Variants in ASTN2 observed in about 807,000 individuals in gnomAD.
ASTN2 encodes the protein astrotactin-2.
ASTN2 carries 54 observed loss-of-function variants against 139.8 expected under a neutral mutation model. The observed-to-expected ratio is 0.39, with a 90% CI of 0.31 to 0.48. The LOEUF (loss-of-function observed/expected upper bound fraction) is 0.48, where lower values mean the gene tolerates loss of function less well. ASTN2 is among the 20% of genes least tolerant of loss of function. ASTN2 has a pLI of 0.95. For missense variants in ASTN2, 1,565 were observed against 1,725.1 expected (o/e 0.91, Z 1.64); for synonymous variants, 756 against 719.5 (o/e 1.05, Z -0.81).
chr9:117,411,004 T>A (rs1017336893), intron 1 of ASTN2, among the ~76,000 whole-genome samples: 5 of 152,206 alleles, frequency 3.3e-5, no homozygotes, highest in Admixed American at 6.5e-5. Flanking sequence ...ATAACCTGCA[T>A]AAACTTCATA....
intron 1 of ASTN2, among the ~76,000 whole-genome samples, chr9:117,313,401 C>T (rs749782345): frequency 2.0e-5 from 3 of 152,162 alleles, no homozygotes; most frequent in Non-Finnish European, 4.4e-5. Context: ...GTCAGGTGGA[C>T]ATTCAGCTCA....
intron 2 of ASTN2, among the ~76,000 whole-genome samples, chr9:117,259,047 ATAT>A (rs1356284455): frequency 6.6e-6 from 1 of 152,126 alleles, no homozygotes; most frequent in Non-Finnish European, 1.5e-5. Flanking sequence ...TCTTTCACAG[ATAT>A]TATTGTGGCC....
intron 11 of ASTN2, among the ~76,000 whole-genome samples, chr9:116,848,053 TG>T (rs777804908): frequency 4.6e-4 from 70 of 152,294 alleles, no homozygotes; most frequent in Non-Finnish European, 8.8e-4. Context: ...TGTCTTCACC[TG>T]GGTTCAAGGC....
At chr9:116,999,230 A>G (rs1370859863) in intron 7 of ASTN2, among the ~76,000 whole-genome samples, 7 of 152,204 alleles carry the variant, frequency 4.6e-5, no homozygotes, top group African/African-American at 1.7e-4. Context: ...ATGGATTTTG[A>G]GCGGAGAATA....
intron 2 of ASTN2, among the ~76,000 whole-genome samples, chr9:117,274,391 C>A (rs1212418964): frequency 6.6e-6 from 1 of 152,102 alleles, no homozygotes; most frequent in Non-Finnish European, 1.5e-5. Flanking sequence ...GAAAACATCA[C>A]CTGTCTTTGG....
chr9:116,941,291 TG>T (rs1199148433), intron 10 of ASTN2, among the ~76,000 whole-genome samples: 1 of 152,156 alleles, frequency 6.6e-6, no homozygotes, highest in East Asian at 1.9e-4. Flanking sequence ...CTGGGATACT[TG>T]TGATTCTGGC....
chr9:116,831,561 C>A (rs937251288), intron 11 of ASTN2, among the ~76,000 whole-genome samples: 3 of 151,642 alleles, frequency 2.0e-5, no homozygotes, highest in African/African-American at 7.3e-5. Context: ...AGAGAAGAGA[C>A]AAATAATTAA....
intron 16 of ASTN2, among the ~76,000 whole-genome samples, chr9:116,666,949 C>CTTTTTTTTTTTTTTTT (rs34835904): frequency 4.3e-5 from 3 of 70,362 alleles, no homozygotes; most frequent in Non-Finnish European, 4.9e-5. Context: ...TTTATTTATT[C>CTTTTTTTTTTTTTTTT]TTTTTTTTTT....
intron 2 of ASTN2, among the ~76,000 whole-genome samples, chr9:117,263,211 G>A (rs1194010559): frequency 1.3e-5 from 2 of 152,030 alleles, no homozygotes; most frequent in Non-Finnish European, 1.5e-5. Context: ...TTTCCCTAAT[G>A]ATACTAAATA....
chr9:117,259,326 C>A (rs570609863), intron 2 of ASTN2, among the ~76,000 whole-genome samples: 1 of 152,262 alleles, frequency 6.6e-6, no homozygotes, highest in East Asian at 1.9e-4. Context: ...TAAGGCCCCC[C>A]TCAACCATCT....
chr9:116,979,764 G>A (rs1418572280), intron 7 of ASTN2, among the ~76,000 whole-genome samples: 2 of 152,032 alleles, frequency 1.3e-5, no homozygotes, highest in Admixed American at 1.3e-4. Context: ...CCAACAAGGA[G>A]GATCCCTCTT....
At position 117,322,791 on chromosome 9, in the gene ASTN2, C is replaced by A. The variant is rs560412837; in HGVS notation, c.443-31278G>T. On this transcript the variant is annotated intron_variant, in intron 1 of 22. Transcript: ENST00000313400. ...TATGCCTGGGCCCCCAGCACAGGCA[C>A]AAGTTGGGCTGGAGACCCAGGGCAA... Among the ~76,000 whole-genome samples the A allele has an allele frequency of 1.4e-3, 209 of 152,180 alleles. 2 individuals carry two copies. The highest frequency in any genetic ancestry group is 3.4e-3 in the Middle Eastern group (1 of 294).
At chr9:117,017,365 G>A (rs1169851381) in intron 6 of ASTN2, among the ~76,000 whole-genome samples, 1 of 152,048 alleles carries the variant, frequency 6.6e-6, no homozygotes, top group African/African-American at 2.4e-5. Context: ...AATGAACATG[G>A]TTGACGACTA....
At chr9:116,647,084 C>T (rs1276222346) in intron 17 of ASTN2, among the ~76,000 whole-genome samples, 16 of 152,268 alleles carry the variant, frequency 1.1e-4, no homozygotes, top group East Asian at 7.7e-4. Flanking sequence ...ATGCACTTGG[C>T]CCCCAAAAGC....
At chr9:116,903,349 T>C (rs1199164072) in intron 10 of ASTN2, among the ~76,000 whole-genome samples, 1 of 152,254 alleles carries the variant, frequency 6.6e-6, no homozygotes, top group East Asian at 1.9e-4. Context: ...CTTTGTTTTA[T>C]ATACTGATGT....
At chr9:117,013,840 C>T (rs1280825050) in intron 6 of ASTN2, among the ~76,000 whole-genome samples, 1 of 152,106 alleles carries the variant, frequency 6.6e-6, no homozygotes, top group African/African-American at 2.4e-5. Flanking sequence ...GAGAGCCAGA[C>T]AGCAGCTGCA....
chr9:116,794,096 C>CT (rs35428342), intron 13 of ASTN2, among the ~76,000 whole-genome samples: 31,700 of 123,780 alleles, frequency 0.26, 5,247 homozygotes, highest in East Asian at 0.75. Flanking sequence ...AAATAAACAC[C>CT]TTTTTTTTTT....
intron 10 of ASTN2, among the ~76,000 whole-genome samples, chr9:116,958,537 C>T (rs1403167663): frequency 3.3e-5 from 5 of 151,950 alleles, no homozygotes; most frequent in South Asian, 4.2e-4. Flanking sequence ...TGCAGTGAGC[C>T]GAGACCGCAC....
At chr9:116,430,406 G>A (rs892887491) in intron 22 of ASTN2, among the ~76,000 whole-genome samples, 2 of 152,172 alleles carry the variant, frequency 1.3e-5, no homozygotes, top group Non-Finnish European at 2.9e-5. Context: ...TTACAGCTAT[G>A]TGGTTCATGA....
Sources: allele counts gnomAD v4.1 joint callset (sites outside exome capture counted in the v4.1 genomes callset), GRCh38; gene constraint gnomAD v4.1.1; transcripts MANE v1.5; gene names NCBI Gene and HGNC (gene_info 2026-07-23, HGNC 2026-07-21).